The following SHROOM2 variants were observed in gnomAD, a reference collection of about 807,000 sequenced individuals.
The protein encoded by SHROOM2 is protein Shroom2.
In SHROOM2, 33 loss-of-function variants were observed where a neutral mutation model predicts 75.9. The ratio of observed to expected loss-of-function variants is 0.43; its 90% CI spans 0.33 to 0.58. The LOEUF is 0.58. Among genes scored for constraint, SHROOM2 ranks in the 20% least tolerant of loss-of-function variants. The pLI is 0.04. For missense variants in SHROOM2, 1,434 were observed against 1,461.2 expected, an observed-to-expected ratio of 0.98 and a Z score of 0.30; for synonymous variants, 655 against 663.6, an observed-to-expected ratio of 0.99 and a Z score of 0.20.
chrX:9,930,752 T>G (rs1028355581), intron 5 of SHROOM2, among the ~76,000 whole-genome samples: 2 of 110,973 alleles, frequency 1.8e-5, no homozygotes, highest in Non-Finnish European at 3.8e-5. Context: ...TGTTTTGTTT[T>G]GTTTTTTTGA....
intron 5 of SHROOM2, among the ~76,000 whole-genome samples, chrX:9,913,537 A>T (rs2084453122): frequency 8.9e-6 from 1 of 112,405 alleles, no homozygotes; most frequent in African/African-American, 3.2e-5. Flanking sequence ...TGCTTTACTA[A>T]AGGAGGCTTT....
intron 1 of SHROOM2, among the ~76,000 whole-genome samples, chrX:9,863,919 T>C (rs1220865404): frequency 9.0e-6 from 1 of 111,486 alleles, no homozygotes; most frequent in Admixed American, 9.6e-5. Flanking sequence ...TTACAGAAAA[T>C]CTAAAGAGCT....
chrX:9,820,751 T>G (rs1039536641), intron 1 of SHROOM2, among the ~76,000 whole-genome samples: 2 of 112,138 alleles, frequency 1.8e-5, no homozygotes, highest in Non-Finnish European at 3.8e-5. Context: ...ACCAGAAGTC[T>G]CAATTTGACA....
At chrX:9,917,670 G>A (rs1440513497) in intron 5 of SHROOM2, among the ~76,000 whole-genome samples, 3 of 111,114 alleles carry the variant, frequency 2.7e-5, no homozygotes, top group Admixed American at 9.6e-5. Flanking sequence ...ACAAGCATGC[G>A]CCACCACGCC....
rs139702456 is a variant in SHROOM2 at position 9,807,529 on chromosome X, A to G, written c.165+20819A>G. On this transcript the variant is annotated intron_variant, in intron 1 of 9. Coordinates refer to ENST00000380913, the MANE Select transcript of SHROOM2 (RefSeq NM_001649.4). ...AAAGACATTACAAAATCAGGCTTCC[A>G]GAGGCCTCATAGCAACAGGCGTGTC... 3.5e-3 allele frequency among the ~76,000 whole-genome samples: 393 copies of G among 111,884 alleles called. 8 individuals are homozygous for G. Among genetic ancestry groups the G allele is most frequent in the East Asian group, 0.023 (81 of 3,526 alleles).
chrX:9,907,357 C>T (rs138593106), intron 5 of SHROOM2, among the ~76,000 whole-genome samples: 1,365 of 111,143 alleles, frequency 0.012, 12 homozygotes, highest in Middle Eastern at 0.023. Context: ...ACTGCCGTGC[C>T]GCTCTCCACT....
intron 1 of SHROOM2, among the ~76,000 whole-genome samples, chrX:9,808,199 TG>T (rs1430060717): frequency 9.0e-6 from 1 of 110,809 alleles, no homozygotes; most frequent in Non-Finnish European, 1.9e-5. Flanking sequence ...TTCCTTTACT[TG>T]GGGGTGGTCG....
At chrX:9,799,303 G>GATTACA (rs985814756) in intron 1 of SHROOM2, among the ~76,000 whole-genome samples, 98 of 107,413 alleles carry the variant, frequency 9.1e-4, no homozygotes, top group Non-Finnish European at 1.6e-3. Flanking sequence ...GAGTAGCTGG[G>GATTACA]ATTACAGGTG....
At chrX:9,928,435 T>C (rs2147049869) in intron 5 of SHROOM2, among the ~76,000 whole-genome samples, 1 of 112,959 alleles carries the variant, frequency 8.9e-6, no homozygotes, top group African/African-American at 3.2e-5. Flanking sequence ...CACAAAGTCT[T>C]AAGTCATCTT....
intron 7 of SHROOM2, 123 bp from the exon 8 acceptor site, chrX:9,939,072 A>G: frequency 1.9e-6 from 1 of 538,257 alleles, no homozygotes; most frequent in Non-Finnish European, 2.9e-6. Context: ...TGGCTGTCTC[A>G]TCTCCCTGGC....
chrX:9,948,542 G>GCA lies in SHROOM2; in HGVS notation c.*1614_*1615dup, dbSNP rs1162054081. On this transcript the variant is annotated 3_prime_UTR_variant, in exon 10 of 10. Transcript: ENST00000380913. ...AGCAGACGCGTGCGCGTGCACAGATGCACACACACAGATGTCTTAAAAGAC... is the reference window on the plus strand; with the variant it reads ...AGCAGACGCGTGCGCGTGCACAGATGCACACACACACAGATGTCTTAAAAGAC... 2 of 113,110 alleles carry GCA rather than the reference G, an allele frequency of 1.8e-5. No homozygotes were observed. The highest frequency in any genetic ancestry group is 3.7e-5 in the Non-Finnish European group (2 of 53,385). 9.3% of individuals were successfully genotyped at this position (113,110 alleles called of 1,213,427 possible).
At chrX:9,849,214 G>A (rs1209418943) in intron 1 of SHROOM2, among the ~76,000 whole-genome samples, 1 of 111,835 alleles carries the variant, frequency 8.9e-6, no homozygotes, top group African/African-American at 3.2e-5. Context: ...GTGGATCTCT[G>A]TGCCTCAGCA....
chrX:9,825,892 G>A (rs1203842784), intron 1 of SHROOM2, among the ~76,000 whole-genome samples: 1 of 112,227 alleles, frequency 8.9e-6, no homozygotes, highest in African/African-American at 3.2e-5. Context: ...GCAAGCCAGT[G>A]GATCTGTAGC....
chrX:9,816,432 T>G (rs886083565), intron 1 of SHROOM2, among the ~76,000 whole-genome samples: 1 of 112,237 alleles, frequency 8.9e-6, no homozygotes, highest in Admixed American at 9.4e-5. Flanking sequence ...GTCATAGGAT[T>G]TTTGTCCTGA....
rs188800518 is a variant in SHROOM2 at position 9,908,248 on chromosome X, G to A, written c.2891+9958G>A. On this transcript the variant is annotated intron_variant, in intron 5 of 9. Coordinates refer to ENST00000380913, the MANE Select transcript of SHROOM2 (RefSeq NM_001649.4). Reference sequence around the variant, plus strand: ...CTTGTTAGTGATAGCCTGGGTTAGGGAAGGTTGTCCTTGGACCACATGGGC... The same window carrying A: ...CTTGTTAGTGATAGCCTGGGTTAGGAAAGGTTGTCCTTGGACCACATGGGC... Among the ~76,000 whole-genome samples the A allele has an allele frequency of 1.5e-3, 164 of 112,120 alleles. 1 individual carries two copies. Among genetic ancestry groups the A allele is most frequent in the Middle Eastern group, 4.7e-3 (1 of 215 alleles).
chrX:9,884,238 T>G (rs2084247413), intron 2 of SHROOM2, among the ~76,000 whole-genome samples: 1 of 111,217 alleles, frequency 9.0e-6, no homozygotes, highest in African/African-American at 3.3e-5. Flanking sequence ...CTCCAGCCAG[T>G]GCTCTTACTG....
At chrX:9,939,059 C>A in intron 7 of SHROOM2, 136 bp from the exon 8 acceptor site, 1 of 471,044 alleles carries the variant, frequency 2.1e-6, no homozygotes, top group Non-Finnish European at 3.5e-6. Flanking sequence ...ACTTTTCCCC[C>A]TTTGGCTGTC....
intron 5 of SHROOM2, among the ~76,000 whole-genome samples, chrX:9,918,682 G>C (rs2084513042): frequency 9.1e-6 from 1 of 109,798 alleles, no homozygotes; most frequent in Admixed American, 9.7e-5. Flanking sequence ...TAGAGATGGA[G>C]TCTCATTATG....
chrX:9,896,604 A>T lies in SHROOM2; in HGVS notation c.2696A>T (p.Asp899Val). 3.3e-6 allele frequency: 4 copies of T among 1,210,150 alleles called. No individual in the cohort carries two copies. The highest frequency in any genetic ancestry group is 4.5e-6 in the Non-Finnish European group (4 of 894,650). Residue 899 changes from aspartate (D) to valine (V), a missense_variant, in exon 4 of 10, where the codon GAT (aspartate) becomes GTT (valine). By Grantham distance (152) the Asp-to-Val change is radical. Around this residue, in one of 3 missense-constraint regions of SHROOM2, gnomAD observed 1,340 missense variants for 1,338.3 expected, o/e 1.00. Transcript: ENST00000380913. ...AGCTCTGGGCGCTGCCACTCAGCGG[A>T]TGACATCCTGGATGTGAGCCTGGAC... ...ARSSGRCHSA[D>V]DILDVSLDPQ...
Sources: gnomAD v4.1 joint callset for allele counts (sites outside exome capture counted in the v4.1 genomes callset) on GRCh38, gnomAD v4.1.1 for gene constraint, gnomAD v4.1.1 regional missense constraint, MANE v1.5 for transcripts, NCBI Gene and HGNC (gene_info 2026-07-23, HGNC 2026-07-21) for gene names.